SOX9: variants seen among roughly 807,000 people sequenced by gnomAD.
The protein encoded by SOX9 is SRY-box transcription factor 9.
A neutral mutation model predicts 44.8 loss-of-function variants in SOX9; 2 were observed. The observed-to-expected ratio is 0.04, with a 90% confidence interval of 0.02 to 0.14. SOX9 has a LOEUF of 0.14. SOX9 is among the 10% of genes least tolerant of loss of function. The pLI, the probability that SOX9 is intolerant of heterozygous loss-of-function variation, is 1.00. For synonymous variants in SOX9, 381 were observed against 331.8 expected (o/e 1.15, Z -1.61); for missense variants, 583 against 728.6 (o/e 0.80, Z 2.30).
At position 72,122,969 on chromosome 17, in the gene SOX9, T is replaced by C. The variant is rs756077595; in HGVS notation, c.682T>C (p.Ser228Pro). 1 of 1,612,866 alleles carries C rather than the reference T, an allele frequency of 6.2e-7. No homozygotes were observed. Among genetic ancestry groups the C allele is most frequent in the East Asian group, 2.2e-5 (1 of 44,860 alleles). Residue 228 changes from serine to proline, a missense_variant, in exon 2 of 3, where the codon TCG becomes CCG. Ser to Pro is a moderately conservative substitution (Grantham distance 74, BLOSUM62 -1). This residue lies in a region of SOX9 where 88 missense variants were observed against 65.5 expected (regional missense o/e 1.34). Coordinates refer to ENST00000245479, the MANE Select transcript of SOX9 (RefSeq NM_000346.4). Reference protein sequence around the residue: ...MSEVHSPGEHSGQSQGPPTPP... With the variant: ...MSEVHSPGEHPGQSQGPPTPP... ...CGAGGTGCACTCCCCCGGCGAGCAC[T>C]CGGGTGAGTCGCCCCTCGACCCCAC...
chr17:72,122,662 G>A (rs2143244456), intron 1 of SOX9, 57 bp from the exon 2 acceptor site: 1 of 1,572,790 alleles, frequency 6.4e-7, no homozygotes, highest in Non-Finnish European at 8.6e-7. Flanking sequence ...CAGTTTGGCG[G>A]ATTTCACTGA....
rs746230444 is a variant in SOX9, at chr17:72,124,179, A to G, written c.1322A>G (p.Asp441Gly). 6 of 1,613,754 alleles carry G rather than the reference A, an allele frequency of 3.7e-6. No homozygotes were observed. Among genetic ancestry groups the G allele is most frequent in the South Asian group, 1.1e-5 (1 of 91,056 alleles). The part of the protein sequence containing the change: ...SYPPITRSQY[D>G]YTDHQNSSSY... ...CCGCCCATCACCCGCTCACAGTACG[A>G]CTACACCGACCACCAGAACTCCAGC... Residue 441 changes from aspartate (D) to glycine (G), a missense_variant, in exon 3 of 3, where the codon GAC becomes GGC. This residue lies in a region of SOX9 where 349 missense variants were observed against 387.0 expected (regional missense o/e 0.90). Transcript: ENST00000245479. The surrounding 1 kb of genome is among the most constrained non-coding windows in gnomAD (Gnocchi z 4.6).
chr17:72,122,679 TC>T, intron 1 of SOX9, 39 bp from the exon 2 acceptor site: 1 of 1,601,632 alleles, frequency 6.2e-7, no homozygotes, highest in Non-Finnish European at 8.5e-7. Context: ...CTGACCCCTC[TC>T]CCTCTTTTTC....
rs932189315 is a variant in SOX9, at chr17:72,121,335, G to C, written c.-57G>C. 6.5e-7 allele frequency: 1 copy of C among 1,540,232 alleles called. No homozygotes were observed. ...AGAGGAGCCCGCGCCTCGAGTCCCCGAGCCGCCGCGGCTTCTCGCCTTTCC... is the reference window on the plus strand; with the variant it reads ...AGAGGAGCCCGCGCCTCGAGTCCCCCAGCCGCCGCGGCTTCTCGCCTTTCC... On this transcript the variant is annotated 5_prime_UTR_variant, in exon 1 of 3. Transcript: ENST00000245479. This position sits in a 1 kb window ranked among gnomAD's most constrained non-coding sequence, Gnocchi z 8.3.
chr17:72,121,969 G>T lies in SOX9; in HGVS notation c.431+147G>T. ...GGATGGGGTTGGGAGTGGGAATGGGGTGTAACTGTGGCTCAGAGTTTGACA... is the reference window on the plus strand; with the variant it reads ...GGATGGGGTTGGGAGTGGGAATGGGTTGTAACTGTGGCTCAGAGTTTGACA... On this transcript the variant is annotated intron_variant, in intron 1 of 2. Transcript: ENST00000245479. The surrounding 1 kb of genome is among the most constrained non-coding windows in gnomAD (Gnocchi z 8.3). 1 of 1,007,520 alleles carries T rather than the reference G, an allele frequency of 9.9e-7. No individual in the cohort carries two copies. The highest frequency in any genetic ancestry group is 1.7e-5 in the South Asian group (1 of 58,682). The allele number at this position is 1,007,520 out of a possible 1,614,324, so 62.4% of individuals were successfully genotyped here.
rs751056893 is a variant in SOX9 at position 72,126,335 on chromosome 17, G to A, written c.*1948G>A. The A allele has an allele frequency of 7.8e-5, 18 of 230,024 alleles. No individual in the cohort carries two copies. The highest frequency in any genetic ancestry group is 4.0e-4 in the African/African-American group (18 of 44,514). 14.2% of individuals were successfully genotyped at this position (230,024 alleles called of 1,614,324 possible). A position where few individuals can be genotyped will look rare whatever the true frequency, so the allele number is the denominator to read the frequency against. On this transcript the variant is annotated 3_prime_UTR_variant, in exon 3 of 3. Transcript: ENST00000245479. ...CAGCCCCAAACCTTTTGTTCTCTCC[G>A]TGAAACTTACCTTTCCCTTTTTCTT...
chr17:72,123,516 T>C lies in SOX9; in HGVS notation c.686-27T>C. The C allele has an allele frequency of 6.2e-7, 1 of 1,613,952 alleles. No homozygotes were observed. Among genetic ancestry groups the C allele is most frequent in the Non-Finnish European group, 8.5e-7 (1 of 1,179,980 alleles). On this transcript the variant is annotated intron_variant, in intron 2 of 2. Transcript: ENST00000245479. The surrounding 1 kb of genome is among the most constrained non-coding windows in gnomAD (Gnocchi z 6.5). ...GTCTGCACAGCCCTTGTTGATTTTC[T>C]CGTGCTTGTTCTTTTATTGTCCACA...
chr17:72,122,896 C>T lies in SOX9; in HGVS notation c.609C>T (p.Ile203=), dbSNP rs140368355. The change falls in exon 2 of 3, where the codon ATC becomes ATT. Residue 203 remains isoleucine (I), a synonymous_variant. Transcript: ENST00000245479. ...TEQTHISPNA[I]FKALQADSPH... The stretch of plus-strand genomic sequence containing the variant: ...AGACGCACATCTCCCCCAACGCCAT[C>T]TTCAAGGCGCTGCAGGCCGACTCGC... 6.2e-6 allele frequency: 10 copies of T among 1,614,058 alleles called. No homozygotes were observed. The African/African-American group carries it at 1.3e-4, about 22-fold the overall frequency.
chr17:72,123,220 A>C lies in SOX9; in HGVS notation c.685+248A>C, dbSNP rs1330358586. On this transcript the variant is annotated intron_variant, in intron 2 of 2. Coordinates refer to ENST00000245479, the MANE Select transcript of SOX9 (RefSeq NM_000346.4). The surrounding 1 kb of genome is among the most constrained non-coding windows in gnomAD (Gnocchi z 6.5). ...ATTAACTTTTTTATTGGGAGGTAAA[A>C]TGCCCTTAACAGCCTTACAAGACCT... is the stretch of plus-strand genomic sequence containing the variant. Among the ~76,000 whole-genome samples the C allele has an allele frequency of 6.6e-6, 1 of 152,162 alleles. No homozygotes were observed. The highest frequency in any genetic ancestry group is 1.5e-5 in the Non-Finnish European group (1 of 68,028).
In SOX9 at chr17:72,121,272, C is replaced by G; in HGVS notation, c.-120C>G. The G allele has an allele frequency of 2.2e-6, 2 of 922,972 alleles. 1 individual carries two copies. The highest frequency in any genetic ancestry group is 3.1e-5 in the South Asian group (2 of 64,058). 57.2% of individuals were successfully genotyped at this position (922,972 alleles called of 1,614,324 possible). On this transcript the variant is annotated 5_prime_UTR_variant, in exon 1 of 3. Transcript: ENST00000245479. The surrounding 1 kb of genome is among the most constrained non-coding windows in gnomAD (Gnocchi z 8.3). ...GTAGCCGGCCGACGCGCCAGCTTCC[C>G]CGGGAGCCGCTTGCTCCGCATCCGG...
Position 72,123,467 on chromosome 17 carries a change from C to A in SOX9, c.686-76C>A, listed in dbSNP as rs1908173161. The A allele has an allele frequency of 6.2e-7, 1 of 1,601,722 alleles. No homozygotes were observed. Among genetic ancestry groups the A allele is most frequent in the Admixed American group, 1.7e-5 (1 of 60,002 alleles). On this transcript the variant is annotated intron_variant, in intron 2 of 2. Transcript: ENST00000245479. The surrounding 1 kb of genome is among the most constrained non-coding windows in gnomAD (Gnocchi z 6.5). ...ACACTTTAGCAGCGAGGGAGGGTCC[C>A]CGGAGGGTGCCTAAGACTAGGGCGT...
chr17:72,121,666 C>A lies in SOX9; in HGVS notation c.275C>A (p.Pro92Gln), dbSNP rs2143239279. 6.2e-7 allele frequency: 1 copy of A among 1,600,488 alleles called. No homozygotes were observed. The highest frequency in any genetic ancestry group is 8.5e-7 in the Non-Finnish European group (1 of 1,174,084). ...KGYDWTLVPM[P>Q]VRVNGSSKNK... ...TACGACTGGACGCTGGTGCCCATGC[C>A]GGTGCGCGTCAACGGCTCCAGCAAG... is the stretch of plus-strand genomic sequence containing the variant. The change falls in exon 1 of 3, where the codon CCG (proline) becomes CAG (glutamine). Residue 92 changes from proline to glutamine, a missense_variant. Pro to Gln is a moderately conservative substitution (Grantham distance 76). This residue lies in a region of SOX9 where 19 missense variants were observed against 46.8 expected (regional missense o/e 0.41). Transcript: ENST00000245479. The surrounding 1 kb of genome is among the most constrained non-coding windows in gnomAD (Gnocchi z 8.3).
Position 72,121,212 on chromosome 17 carries a change from C to G in SOX9, c.-180C>G. Reference sequence around the variant, plus strand: ...CCCACTTGGAGCGGGCAGCTGTGAACTGGCCACCCCGCGCCTTCCTAAGTG... The same window carrying G: ...CCCACTTGGAGCGGGCAGCTGTGAAGTGGCCACCCCGCGCCTTCCTAAGTG... On this transcript the variant is annotated 5_prime_UTR_variant, in exon 1 of 3. Transcript: ENST00000245479. The surrounding 1 kb of genome is among the most constrained non-coding windows in gnomAD (Gnocchi z 8.3). The G allele has an allele frequency of 1.6e-6, 1 of 622,244 alleles. No homozygotes were observed. Among genetic ancestry groups the G allele is most frequent in the Non-Finnish European group, 2.8e-6 (1 of 353,902 alleles). The allele number at this position is 622,244 out of a possible 1,614,324, so 38.5% of individuals were successfully genotyped here.
Position 72,124,526 on chromosome 17 carries a change from C to G in SOX9, c.*139C>G. On this transcript the variant is annotated 3_prime_UTR_variant, in exon 3 of 3. Coordinates refer to ENST00000245479, the MANE Select transcript of SOX9 (RefSeq NM_000346.4). This position sits in a 1 kb window ranked among gnomAD's most constrained non-coding sequence, Gnocchi z 4.6. ...TGTTTTGTTTTTTCTTCTTCTTCTTCTTCCTTAAAGACATTTAAGCTAAAG... is the reference window on the plus strand; with the variant it reads ...TGTTTTGTTTTTTCTTCTTCTTCTTGTTCCTTAAAGACATTTAAGCTAAAG... 8.9e-7 allele frequency: 1 copy of G among 1,127,348 alleles called. No homozygotes were observed. The highest frequency in any genetic ancestry group is 2.2e-4 in the Middle Eastern group (1 of 4,618). 69.8% of individuals were successfully genotyped at this position (1,127,348 alleles called of 1,614,324 possible). A position where few individuals can be genotyped will look rare whatever the true frequency, so the allele number is the denominator to read the frequency against.
intron 1 of SOX9, among the ~76,000 whole-genome samples, chr17:72,122,396 C>T (rs1173917204): frequency 1.0e-5 from 1 of 96,686 alleles, no homozygotes; most frequent in African/African-American, 4.3e-5. Context: ...GGGTTGGGGG[C>T]GGTAAGTCGA....
Position 72,123,230 on chromosome 17 carries a change from C to T in SOX9, c.685+258C>T, listed in dbSNP as rs1430186781. 6.6e-6 allele frequency among the ~76,000 whole-genome samples: 1 copy of T among 152,238 alleles called. No individual in the cohort carries two copies. The highest frequency in any genetic ancestry group is 2.4e-5 in the African/African-American group (1 of 41,468). On this transcript the variant is annotated intron_variant, in intron 2 of 2. Coordinates refer to ENST00000245479, the MANE Select transcript of SOX9 (RefSeq NM_000346.4). This position sits in a 1 kb window ranked among gnomAD's most constrained non-coding sequence, Gnocchi z 6.5. ...TTATTGGGAGGTAAAATGCCCTTAACAGCCTTACAAGACCTCTCCCTTCTT... is the reference window on the plus strand; with the variant it reads ...TTATTGGGAGGTAAAATGCCCTTAATAGCCTTACAAGACCTCTCCCTTCTT...
rs762558883 is a variant in SOX9, at chr17:72,123,934, CCCGCAGCCGCAGGCGGCG to C, written c.1080_1097del (p.Gln361_Pro366del). 2 of 1,302,870 alleles carry C rather than the reference CCCGCAGCCGCAGGCGGCG, an allele frequency of 1.5e-6. No homozygotes were observed. Among genetic ancestry groups the C allele is most frequent in the Non-Finnish European group, 1.9e-6 (2 of 1,033,426 alleles). The allele number at this position is 1,302,870 out of a possible 1,614,324, so 80.7% of individuals were successfully genotyped here. A position where few individuals can be genotyped will look rare whatever the true frequency, so the allele number is the denominator to read the frequency against. On this transcript the variant is annotated inframe_deletion, in exon 3 of 3. Coordinates refer to ENST00000245479, the MANE Select transcript of SOX9 (RefSeq NM_000346.4). The surrounding 1 kb of genome is among the most constrained non-coding windows in gnomAD (Gnocchi z 6.5). ...AGGCCCCGCCGGCCCCGCAGGCGCC[CCCGCAGCCGCAGGCGGCG>C]CCCCCACAGCAGCCGGCGGCACCCC...
At position 72,123,942 on chromosome 17, in the gene SOX9, C is replaced by A. The variant is rs1908197201; in HGVS notation, c.1085C>A (p.Pro362Gln). The change falls in exon 3 of 3, where the codon CCG becomes CAG. Residue 362 changes from proline to glutamine, a missense_variant. By Grantham distance (76) the Pro-to-Gln change is moderately conservative. This residue lies in a region of SOX9 where 349 missense variants were observed against 387.0 expected (regional missense o/e 0.90). Coordinates refer to ENST00000245479, the MANE Select transcript of SOX9 (RefSeq NM_000346.4). This position sits in a 1 kb window ranked among gnomAD's most constrained non-coding sequence, Gnocchi z 6.5. Reference sequence around the variant, plus strand: ...CCGGCCCCGCAGGCGCCCCCGCAGCCGCAGGCGGCGCCCCCACAGCAGCCG... The same window carrying A: ...CCGGCCCCGCAGGCGCCCCCGCAGCAGCAGGCGGCGCCCCCACAGCAGCCG... Reference protein sequence around the residue: ...APPAPQAPPQPQAAPPQQPAA... With the variant: ...APPAPQAPPQQQAAPPQQPAA... The A allele has an allele frequency of 7.5e-7, 1 of 1,339,534 alleles. No individual in the cohort carries two copies. 83.0% of individuals were successfully genotyped at this position (1,339,534 alleles called of 1,614,324 possible).
At position 72,121,851 on chromosome 17, in the gene SOX9, G is replaced by A. The variant is rs1435899726; in HGVS notation, c.431+29G>A. The stretch of plus-strand genomic sequence containing the variant: ...GGACCCGGCGGGGGCGGCGCGGCAG[G>A]GTGGGCATCGCGGCGGCTGGGGGCG... On this transcript the variant is annotated intron_variant, in intron 1 of 2. Coordinates refer to ENST00000245479, the MANE Select transcript of SOX9 (RefSeq NM_000346.4). This position sits in a 1 kb window ranked among gnomAD's most constrained non-coding sequence, Gnocchi z 8.3. 4 of 1,522,020 alleles carry A rather than the reference G, an allele frequency of 2.6e-6. No homozygotes were observed. In the African/African-American group the frequency reaches 5.5e-5, roughly 21 times the overall value. 94.3% of individuals were successfully genotyped at this position (1,522,020 alleles called of 1,614,324 possible).
Sources: gnomAD v4.1 joint callset for allele counts (sites outside exome capture counted in the v4.1 genomes callset) on GRCh38, gnomAD v4.1.1 for gene constraint, gnomAD v4.1.1 regional missense constraint, Gnocchi (gnomAD v3.1) non-coding constraint, MANE v1.5 for transcripts, NCBI Gene and HGNC (gene_info 2026-07-23, HGNC 2026-07-21) for gene names.